The following SSBP4 variants were observed in gnomAD, a reference collection of about 807,000 sequenced individuals.
SSBP4 encodes single stranded DNA binding protein 4, also known as single-stranded DNA-binding protein 4.
A neutral mutation model predicts 64.6 loss-of-function variants in SSBP4; 33 were observed. The ratio of observed to expected loss-of-function variants is 0.51; its 90% CI spans 0.39 to 0.68. The LOEUF is 0.68. Ranked by LOEUF, SSBP4 falls within the 30% of genes least tolerant of loss-of-function variation. The probability of loss-of-function intolerance (pLI) is 0.00; values close to 1 mark genes in which losing one functional copy is unlikely to be tolerated. For missense variants in SSBP4, 583 were observed against 566.8 expected, an observed-to-expected ratio of 1.03 and a Z score of -0.29; for synonymous variants, 243 against 224.0, an observed-to-expected ratio of 1.08 and a Z score of -0.76.
chr19:18,415,555 T>C (rs1366157646), upstream of SSBP4, among the ~76,000 whole-genome samples: 1 of 151,754 alleles, frequency 6.6e-6, no homozygotes, highest in African/African-American at 2.4e-5. Context: ...GCGGGGGCAG[T>C]GCCCAGGGAA....
rs1380761336 is a variant in SSBP4, at chr19:18,434,232, A to G, written c.1144A>G (p.Thr382Ala). 6.2e-7 allele frequency: 1 copy of G among 1,611,548 alleles called. No individual in the cohort carries two copies. Among genetic ancestry groups the G allele is most frequent in the East Asian group, 2.2e-5 (1 of 44,768 alleles). ...CTCTCCGCAGTACTCGCCAGGGATG[A>G]CCATGAGCGTGTGATGGGGCGGCAG... ...FPSESYSPGM[T>A]MSV Residue 382 changes from threonine to alanine, a missense_variant, in exon 18 of 18, where the codon ACC (threonine) becomes GCC (alanine). Physicochemically the swap from Thr to Ala is moderately conservative, Grantham distance 58. Coordinates refer to ENST00000270061, the MANE Select transcript of SSBP4 (RefSeq NM_032627.5).
In SSBP4 at chr19:18,433,589, G is replaced by C; in HGVS notation, c.996G>C (p.Ser332=). 6.5e-7 allele frequency: 1 copy of C among 1,537,468 alleles called. No homozygotes were observed. The highest frequency in any genetic ancestry group is 8.7e-7 in the Non-Finnish European group (1 of 1,143,042). ...CGTGTCTGTCCGTGTCTGTAGGCTC[G>C]GGCGACATGGACGGGTTGCCGAAGG... ...EPHHVNGSLG[S]GDMDGLPKSS... is the part of the protein sequence containing the mutation. Residue 332 remains serine (S), a synonymous_variant, in exon 16 of 18, where the codon TCG becomes TCC. Transcript: ENST00000270061.
At chr19:18,434,059 C>G in intron 17 of SSBP4, 158 bp from the exon 18 acceptor site, 1 of 1,291,934 alleles carries the variant, frequency 7.7e-7, no homozygotes, top group Non-Finnish European at 9.8e-7. Flanking sequence ...CCAGGGCGGC[C>G]TTCCCATGCA....
chr19:18,406,332 TATTATTATTATTATC>T, the SSBP4 span, among the ~76,000 whole-genome samples: 9 of 150,488 alleles, frequency 6.0e-5, no homozygotes, highest in South Asian at 2.1e-4. Flanking sequence ...TTATTATTAC[TATTATTATTATTATC>T]ATTATTATTA....
rs909800057 is a variant in SSBP4 at position 18,422,496 on chromosome 19, A to G, written c.59+2789A>G. Among the ~76,000 whole-genome samples, 3 of 152,232 alleles carry G rather than the reference A, an allele frequency of 2.0e-5. No individual in the cohort carries two copies. The East Asian group carries it at 5.8e-4, about 29-fold the overall frequency. On this transcript the variant is annotated intron_variant, in intron 1 of 17. Coordinates refer to ENST00000270061, the MANE Select transcript of SSBP4 (RefSeq NM_032627.5). ...TTTGGAGGTGAGGTTCCTCTATGAA[A>G]GAAAGCCTGGAAAACGCCAGATGGC... is the stretch of plus-strand genomic sequence containing the variant.
chr19:18,430,967 T>C, intron 5 of SSBP4, 37 bp downstream of exon 5: 1 of 1,598,912 alleles, frequency 6.3e-7, no homozygotes. Context: ...CCCCCAACTC[T>C]GGCTGAACAT....
In SSBP4 at chr19:18,419,509, C is replaced by A. The variant is rs1972275363; in HGVS notation, c.-140C>A. Reference sequence around the variant, plus strand: ...GCCGCCGCGGCCGTCTGGAGCTCCCCCGCGCGGACGATGCCTGCCGTGCCC... The same window carrying A: ...GCCGCCGCGGCCGTCTGGAGCTCCCACGCGCGGACGATGCCTGCCGTGCCC... On this transcript the variant is annotated 5_prime_UTR_variant, in exon 1 of 18. Transcript: ENST00000270061. 6 of 1,109,788 alleles carry A rather than the reference C, an allele frequency of 5.4e-6. 1 individual carries two copies. The South Asian group carries it at 2.6e-4, about 48-fold the overall frequency. 68.7% of individuals were successfully genotyped at this position (1,109,788 alleles called of 1,614,324 possible).
At chr19:18,424,667 G>T (rs1436619429) in intron 1 of SSBP4, among the ~76,000 whole-genome samples, 1 of 152,004 alleles carries the variant, frequency 6.6e-6, no homozygotes, top group African/African-American at 2.4e-5. Flanking sequence ...ACGGTGGGTG[G>T]CCTGGCCCAG....
chr19:18,427,644 C>CCCTT lies in SSBP4; in HGVS notation c.133-105_133-102dup. The CCCTT allele has an allele frequency of 7.3e-7, 1 of 1,360,720 alleles. No individual in the cohort carries two copies. The highest frequency in any genetic ancestry group is 1.4e-5 in the South Asian group (1 of 70,700). 84.3% of individuals were successfully genotyped at this position (1,360,720 alleles called of 1,614,324 possible). A position where few individuals can be genotyped will look rare whatever the true frequency, so the allele number is the denominator to read the frequency against. ...CTGGGGCCCTCTGCCCACCCTGTTA[C>CCCTT]CCTTCCCTCCCCACTCCCTCCCTGC... is the stretch of plus-strand genomic sequence containing the variant. On this transcript the variant is annotated intron_variant, in intron 2 of 17. Transcript: ENST00000270061. The surrounding 1 kb of genome is among the most constrained non-coding windows in gnomAD (Gnocchi z 4.4).
rs776997978 is a variant in SSBP4, at chr19:18,432,696, C to G, written c.751-4C>G. The G allele has an allele frequency of 6.4e-7, 1 of 1,571,568 alleles. No individual in the cohort carries two copies. Among genetic ancestry groups the G allele is most frequent in the Admixed American group, 1.7e-5 (1 of 57,788 alleles). On this transcript the variant is annotated splice_polypyrimidine_tract_variant and splice_region_variant and intron_variant, in intron 11 of 17. Transcript: ENST00000270061. ...TGACTGCTCACAGCTGCCCTTGTCCCCAGATCCCCTACTCCTCCTCATCCC... is the reference window on the plus strand; with the variant it reads ...TGACTGCTCACAGCTGCCCTTGTCCGCAGATCCCCTACTCCTCCTCATCCC...
the SSBP4 span, among the ~76,000 whole-genome samples, chr19:18,409,789 G>C: frequency 2.0e-5 from 3 of 152,064 alleles, no homozygotes; most frequent in Admixed American, 2.0e-4. Context: ...CAAATGCTGA[G>C]ATTACAGGCA....
chr19:18,422,309 C>T (rs1261110330), intron 1 of SSBP4, among the ~76,000 whole-genome samples: 1 of 152,194 alleles, frequency 6.6e-6, no homozygotes, highest in Non-Finnish European at 1.5e-5. Flanking sequence ...TGTCCTCCCA[C>T]TCCCCAACCT....
chr19:18,429,319 A>T (rs1345586504), intron 4 of SSBP4, among the ~76,000 whole-genome samples: 1 of 151,660 alleles, frequency 6.6e-6, no homozygotes, highest in African/African-American at 2.4e-5. Context: ...CGGAGCGCCC[A>T]GCCCATCGCC....
chr19:18,404,253 A>G, the SSBP4 span, among the ~76,000 whole-genome samples: 1 of 151,812 alleles, frequency 6.6e-6, no homozygotes, highest in East Asian at 1.9e-4. Context: ...AGATCCCCAG[A>G]GACCCTCAGA....
Position 18,423,507 on chromosome 19 carries a change from A to G in SSBP4, c.59+3800A>G, listed in dbSNP as rs908814506. 3.9e-5 allele frequency among the ~76,000 whole-genome samples: 6 copies of G among 152,160 alleles called. No homozygotes were observed. Among genetic ancestry groups the G allele is most frequent in the Non-Finnish European group, 5.9e-5 (4 of 68,016 alleles). ...ACCTGGTGACGGATGGCAAGGTGAC[A>G]CAAAGCCATGAGTGGCAGGTGTCTC... On this transcript the variant is annotated intron_variant, in intron 1 of 17. Transcript: ENST00000270061. This position sits in a 1 kb window ranked among gnomAD's most constrained non-coding sequence, Gnocchi z 4.0.
chr19:18,409,541 A>G, the SSBP4 span, among the ~76,000 whole-genome samples: 1 of 152,180 alleles, frequency 6.6e-6, no homozygotes, highest in Non-Finnish European at 1.5e-5. Flanking sequence ...CACTTAAAAA[A>G]AAAATGCCAT....
At chr19:18,424,266 C>G (rs1972681476) in intron 1 of SSBP4, among the ~76,000 whole-genome samples, 1 of 152,220 alleles carries the variant, frequency 6.6e-6, no homozygotes, top group African/African-American at 2.4e-5. Context: ...CCCGGCATCC[C>G]AGGAGGGGGT....
At chr19:18,403,764 AG>A in the SSBP4 span, among the ~76,000 whole-genome samples, 1 of 150,136 alleles carries the variant, frequency 6.7e-6, no homozygotes, top group African/African-American at 2.5e-5. Context: ...GAGGTCTGGG[AG>A]TCTTGGGGTC....
Position 18,423,149 on chromosome 19 carries a change from TCAG to T in SSBP4, c.59+3445_59+3447del, listed in dbSNP as rs1056595703. Among the ~76,000 whole-genome samples, 2 of 152,152 alleles carry T rather than the reference TCAG, an allele frequency of 1.3e-5. No homozygotes were observed. Among genetic ancestry groups the T allele is most frequent in the African/African-American group, 4.8e-5 (2 of 41,452 alleles). ...AAGAAGAGGGGCATGTGTATATCCT[TCAG>T]CACTCAAGTGTTGCCAGGCAGGTTG... is the stretch of plus-strand genomic sequence containing the variant. On this transcript the variant is annotated intron_variant, in intron 1 of 17. Transcript: ENST00000270061. This position sits in a 1 kb window ranked among gnomAD's most constrained non-coding sequence, Gnocchi z 4.0.
Sources: allele counts gnomAD v4.1 joint callset (sites outside exome capture counted in the v4.1 genomes callset), GRCh38; gene constraint gnomAD v4.1.1; non-coding constraint Gnocchi (gnomAD v3.1); transcripts MANE v1.5; gene names NCBI Gene and HGNC (gene_info 2026-07-23, HGNC 2026-07-21).